The following WWOX variants were observed in gnomAD, a reference collection of about 807,000 sequenced individuals.
The protein encoded by WWOX is WW domain containing oxidoreductase, also known as WW domain-containing oxidoreductase.
Under a neutral mutation model 46.2 loss-of-function variants are expected in WWOX, and 69 were observed. The ratio of observed to expected loss-of-function variants is 1.49; its 90% CI spans 1.23 to 1.82. WWOX has a LOEUF of 1.82. Among genes scored for constraint, WWOX ranks in the 40% most tolerant of loss-of-function variants. WWOX has a pLI of 0.00. For synonymous variants in WWOX, 359 were observed against 202.6 expected (o/e 1.77, Z -6.56); for missense variants, 919 against 542.6 (o/e 1.69, Z -6.89).
chr16:79,059,977 C>A (rs773820736), intron 8 of WWOX, among the ~76,000 whole-genome samples: 12 of 152,168 alleles, frequency 7.9e-5, no homozygotes, highest in African/African-American at 1.4e-4. Context: ...TTGTCCTTGG[C>A]AATTCCTTAT....
intron 8 of WWOX, among the ~76,000 whole-genome samples, chr16:78,492,405 T>C (rs924041900): frequency 1.3e-5 from 2 of 152,228 alleles, no homozygotes; most frequent in Non-Finnish European, 2.9e-5. Context: ...GCCTCCCTTC[T>C]CATCTGTGGA....
intron 5 of WWOX, among the ~76,000 whole-genome samples, chr16:78,304,717 C>T (rs954673929): frequency 2.0e-5 from 3 of 152,190 alleles, no homozygotes; most frequent in Non-Finnish European, 2.9e-5. Context: ...TTATGAACAA[C>T]ACCATAATGG....
intron 8 of WWOX, among the ~76,000 whole-genome samples, chr16:79,078,538 T>C (rs975940208): frequency 2.6e-5 from 4 of 152,198 alleles, no homozygotes; most frequent in African/African-American, 9.6e-5. Flanking sequence ...TTTTTAACCT[T>C]GACTGCATAG....
chr16:78,971,722 C>G (rs1422910131), intron 8 of WWOX, among the ~76,000 whole-genome samples: 2 of 151,512 alleles, frequency 1.3e-5, no homozygotes, highest in South Asian at 2.1e-4. Flanking sequence ...CCCCCCACCC[C>G]GATCCCCACC....
intron 8 of WWOX, among the ~76,000 whole-genome samples, chr16:78,755,741 G>A (rs113972873): frequency 4.2e-3 from 635 of 152,172 alleles, no homozygotes; most frequent in Non-Finnish European, 6.3e-3. Flanking sequence ...TAAATATGCC[G>A]AATATTATTC....
intron 8 of WWOX, among the ~76,000 whole-genome samples, chr16:78,446,071 G>A (rs1007352054): frequency 6.6e-5 from 10 of 152,134 alleles, no homozygotes; most frequent in African/African-American, 2.2e-4. Flanking sequence ...AAGACTAAGC[G>A]CAAAATAGAA....
At chr16:79,011,568 C>A (rs113223520) in intron 8 of WWOX, among the ~76,000 whole-genome samples, 1 of 151,056 alleles carries the variant, frequency 6.6e-6, no homozygotes, top group African/African-American at 2.4e-5. Flanking sequence ...GATGGCTCAC[C>A]ACAGCCTCAG....
chr16:78,321,337 CGT>C (rs2080469943), intron 5 of WWOX, among the ~76,000 whole-genome samples: 3 of 48,616 alleles, frequency 6.2e-5, no homozygotes, highest in East Asian at 4.0e-3. Flanking sequence ...CGTATATATG[CGT>C]ATATATATAC....
intron 8 of WWOX, among the ~76,000 whole-genome samples, chr16:78,586,777 G>A (rs2045218404): frequency 6.6e-6 from 1 of 152,094 alleles, no homozygotes; most frequent in Non-Finnish European, 1.5e-5. Context: ...GATTCAGGAA[G>A]GTTAAGTAAT....
intron 8 of WWOX, among the ~76,000 whole-genome samples, chr16:78,812,887 A>T (rs1029528423): frequency 8.5e-5 from 13 of 152,190 alleles, no homozygotes; most frequent in African/African-American, 2.7e-4. Flanking sequence ...ACATCTTCTT[A>T]AACACATATA....
At chr16:78,980,808 A>G (rs1489188829) in intron 8 of WWOX, among the ~76,000 whole-genome samples, 1 of 152,226 alleles carries the variant, frequency 6.6e-6, no homozygotes, top group Non-Finnish European at 1.5e-5. Flanking sequence ...GAAAGGAGGA[A>G]TAGATAGGGT....
intron 4 of WWOX, among the ~76,000 whole-genome samples, chr16:78,143,653 TG>T (rs1418647523): frequency 6.6e-6 from 1 of 152,152 alleles, no homozygotes; most frequent in Non-Finnish European, 1.5e-5. Flanking sequence ...TGGCAACCCC[TG>T]GTTTATTCTG....
At chr16:79,205,727 G>C (rs145885280) in intron 8 of WWOX, 1 of 152,322 alleles carries the variant, frequency 6.6e-6, no homozygotes, top group East Asian at 1.9e-4. Flanking sequence ...TGTGTCTAAG[G>C]CTGGATTGTT....
At chr16:78,986,420 A>AT (rs1567461374) in intron 8 of WWOX, among the ~76,000 whole-genome samples, 1 of 152,156 alleles carries the variant, frequency 6.6e-6, no homozygotes, top group Non-Finnish European at 1.5e-5. Context: ...ACTGGTTTCC[A>AT]TTTTTAGACT....
At chr16:79,184,901 C>G (rs754259892) in intron 8 of WWOX, among the ~76,000 whole-genome samples, 2 of 152,172 alleles carry the variant, frequency 1.3e-5, no homozygotes, top group African/African-American at 2.4e-5. Context: ...GAACGTGTTA[C>G]TTTTTTGGAT....
intron 8 of WWOX, among the ~76,000 whole-genome samples, chr16:78,522,246 G>A (rs1227589640): frequency 6.6e-6 from 1 of 151,688 alleles, no homozygotes; most frequent in African/African-American, 2.4e-5. Flanking sequence ...CCTAGAAGGA[G>A]TTGAAAAATA....
chr16:78,865,888 C>G (rs998080885), intron 8 of WWOX, among the ~76,000 whole-genome samples: 3 of 152,100 alleles, frequency 2.0e-5, no homozygotes, highest in Non-Finnish European at 4.4e-5. Context: ...AAAAAATAAA[C>G]AAGAATTGTG....
intron 4 of WWOX, among the ~76,000 whole-genome samples, chr16:78,122,685 A>T (rs747635345): frequency 1.3e-5 from 2 of 151,518 alleles, no homozygotes; most frequent in African/African-American, 4.9e-5. Flanking sequence ...GCTCACTGCA[A>T]CCTCCGCCTC....
intron 8 of WWOX, among the ~76,000 whole-genome samples, chr16:78,841,753 AT>A (rs1296135563): frequency 6.6e-6 from 1 of 152,128 alleles, no homozygotes; most frequent in Non-Finnish European, 1.5e-5. Context: ...AATGTGTACT[AT>A]TTTATTGTCA....
Sources: gnomAD v4.1 joint callset for allele counts (sites outside exome capture counted in the v4.1 genomes callset) on GRCh38, gnomAD v4.1.1 for gene constraint, MANE v1.5 for transcripts, NCBI Gene and HGNC (gene_info 2026-07-23, HGNC 2026-07-21) for gene names.